Variants in FBXO34 observed in about 807,000 individuals in gnomAD.
FBXO34 encodes the protein F-box protein 34, also known as F-box only protein 34.
A neutral mutation model predicts 24.5 loss-of-function variants in FBXO34; 12 were observed. The ratio of observed to expected loss-of-function variants is 0.49; its 90% CI spans 0.31 to 0.79. The LOEUF (loss-of-function observed/expected upper bound fraction) is 0.79. Among genes scored for constraint, FBXO34 ranks in the 30% least tolerant of loss-of-function variants. FBXO34 has a pLI of 0.04. For missense variants in FBXO34, 823 were observed against 857.7 expected (o/e 0.96, Z 0.51); for synonymous variants, 320 against 311.9 (o/e 1.03, Z -0.27).
downstream of FBXO34, among the ~76,000 whole-genome samples, chr14:55,372,158 T>C (rs1023443451): frequency 2.6e-5 from 4 of 152,116 alleles, no homozygotes; most frequent in African/African-American, 4.8e-5. Flanking sequence ...CTCAAAACTT[T>C]AGCTGGCTGG....
At chr14:55,421,811 A>G in the FBXO34 span, among the ~76,000 whole-genome samples, 1 of 152,182 alleles carries the variant, frequency 6.6e-6, no homozygotes, top group Non-Finnish European at 1.5e-5. Context: ...AGAAAAGCAA[A>G]CTATACAACT....
At chr14:55,425,414 TAGAAA>T in the FBXO34 span, among the ~76,000 whole-genome samples, 1 of 152,182 alleles carries the variant, frequency 6.6e-6, no homozygotes, top group African/African-American at 2.4e-5. Context: ...TTTTAAGACT[TAGAAA>T]AGAGAAAACA....
intron 1 of FBXO34, among the ~76,000 whole-genome samples, chr14:55,328,487 C>A (rs76510038): frequency 6.6e-6 from 1 of 152,160 alleles, no homozygotes; most frequent in Non-Finnish European, 1.5e-5. Flanking sequence ...GCCTAGACAG[C>A]GTGGATGCCC....
At chr14:55,321,410 CTTTTTTT>C (rs371710800) in intron 1 of FBXO34, among the ~76,000 whole-genome samples, 1 of 144,092 alleles carries the variant, frequency 6.9e-6, no homozygotes, top group African/African-American at 2.5e-5. Context: ...TGCAATGTTT[CTTTTTTT>C]TTTTTTGGAG....
At chr14:55,362,333 A>G (rs1884604106), downstream of FBXO34, among the ~76,000 whole-genome samples, 1 of 152,236 alleles carries the variant, frequency 6.6e-6, no homozygotes, top group African/African-American at 2.4e-5. Context: ...ATCAAAGATC[A>G]CTGATCACCA....
chr14:55,279,881 C>A (rs758506467), intron 1 of FBXO34, among the ~76,000 whole-genome samples: 11 of 152,200 alleles, frequency 7.2e-5, no homozygotes, highest in South Asian at 2.1e-4. Context: ...AAATAAAGAG[C>A]CAGTAGATAC....
At chr14:55,380,875 A>ATATAT in the FBXO34 span, among the ~76,000 whole-genome samples, 374 of 112,696 alleles carry the variant, frequency 3.3e-3, 4 homozygotes, top group South Asian at 0.013. Flanking sequence ...ATATATATAT[A>ATATAT]TTTTTTTTTT....
chr14:55,296,076 GC>G (rs1882110708), intron 1 of FBXO34, among the ~76,000 whole-genome samples: 1 of 152,116 alleles, frequency 6.6e-6, no homozygotes, highest in Non-Finnish European at 1.5e-5. Context: ...ATCTTTTCAT[GC>G]CTGTAGTTGA....
chr14:55,277,306 A>C (rs2039037), intron 1 of FBXO34, among the ~76,000 whole-genome samples: 151,448 of 152,310 alleles, frequency 0.99, 75,296 homozygotes, highest in East Asian at 1. Context: ...AGCCCTTGCT[A>C]TATGATTTAA....
chr14:55,325,978 G>T (rs1566557121), intron 1 of FBXO34: 2 of 152,174 alleles, frequency 1.3e-5, no homozygotes, highest in Non-Finnish European at 2.9e-5. Flanking sequence ...TGGTAACAAG[G>T]AGCCAACTCA....
At chr14:55,365,244 A>AC (rs1884655639), downstream of FBXO34, among the ~76,000 whole-genome samples, 1 of 150,328 alleles carries the variant, frequency 6.7e-6, no homozygotes, top group Admixed American at 6.6e-5. Flanking sequence ...AAAAAAAAAA[A>AC]ACAAAAATGG....
intron 1 of FBXO34, among the ~76,000 whole-genome samples, chr14:55,280,527 CTT>C (rs77678519): frequency 4.8e-5 from 6 of 125,882 alleles, no homozygotes; most frequent in Admixed American, 8.3e-5. Flanking sequence ...ATATCAGGAA[CTT>C]TTTTTTTTTT....
rs772191377 is a variant in FBXO34, at chr14:55,351,221, C to A, written c.831C>A (p.Val277=). The A allele has an allele frequency of 6.2e-6, 10 of 1,614,176 alleles. No individual in the cohort carries two copies. The highest frequency in any genetic ancestry group is 8.5e-6 in the Non-Finnish European group (10 of 1,180,036). ...LEVGEPQSEP[V]RVLDMVAKLE... is the part of the protein sequence containing the mutation. ...TTGGTGAACCACAGAGCGAACCAGT[C>A]CGTGTCCTTGACATGGTAGCCAAGT... The change falls in exon 2 of 2, where the codon GTC becomes GTA. Residue 277 remains valine, a synonymous_variant. Coordinates refer to ENST00000313833, the MANE Select transcript of FBXO34 (RefSeq NM_017943.4).
chr14:55,436,534 T>C, the FBXO34 span: 8 of 1,592,304 alleles, frequency 5.0e-6, no homozygotes, highest in Non-Finnish European at 6.0e-6. Flanking sequence ...CCCAATGTGC[T>C]CAATTAAAAC....
At chr14:55,347,904 A>T (rs1188661716) in intron 1 of FBXO34, among the ~76,000 whole-genome samples, 1 of 152,222 alleles carries the variant, frequency 6.6e-6, no homozygotes, top group Non-Finnish European at 1.5e-5. Flanking sequence ...GTGAGAATTT[A>T]TTGGGTTTTT....
At chr14:55,411,541 CGGCTGCCT>C in the FBXO34 span, 2 of 1,503,314 alleles carry the variant, frequency 1.3e-6, no homozygotes, top group Non-Finnish European at 1.8e-6. Context: ...TTCCAGCCTT[CGGCTGCCT>C]GGCTGGAGGA....
chr14:55,431,447 C>T, the FBXO34 span, among the ~76,000 whole-genome samples: 2 of 152,188 alleles, frequency 1.3e-5, no homozygotes, highest in South Asian at 4.1e-4. Context: ...ATGTGACCAT[C>T]CTTTCAGCTC....
At chr14:55,387,296 C>G in the FBXO34 span, among the ~76,000 whole-genome samples, 1 of 152,178 alleles carries the variant, frequency 6.6e-6, no homozygotes, top group Non-Finnish European at 1.5e-5. Flanking sequence ...CAACATATTT[C>G]AAATCCTTTC....
At chr14:55,411,882 G>A in the FBXO34 span, 8 of 1,459,154 alleles carry the variant, frequency 5.5e-6, no homozygotes, top group African/African-American at 1.4e-5. Context: ...TGCATTCTGG[G>A]CCAGGAGGAG....
Sources: gnomAD v4.1 joint callset for allele counts (sites outside exome capture counted in the v4.1 genomes callset) on GRCh38, gnomAD v4.1.1 for gene constraint, MANE v1.5 for transcripts, NCBI Gene and HGNC (gene_info 2026-07-23, HGNC 2026-07-21) for gene names.